Variants in DPP10 observed in about 807,000 individuals in gnomAD.
DPP10 encodes the protein dipeptidyl peptidase like 10, also known as inactive dipeptidyl peptidase 10.
A neutral mutation model predicts 120.9 loss-of-function variants in DPP10; 33 were observed. That is an observed-to-expected ratio of 0.27 (90% CI 0.21 to 0.37). The LOEUF (loss-of-function observed/expected upper bound fraction) is 0.37, where lower values mean the gene tolerates loss of function less well. DPP10 is among the 10% of genes least tolerant of loss of function. The pLI is 1.00. For synonymous variants in DPP10, 337 were observed against 326.1 expected, an observed-to-expected ratio of 1.03 and a Z score of -0.36; for missense variants, 816 against 942.8, an observed-to-expected ratio of 0.87 and a Z score of 1.76.
At chr2:114,995,725 G>A (rs62164467) in intron 1 of DPP10, among the ~76,000 whole-genome samples, 17,610 of 152,184 alleles carry the variant, frequency 0.12, 1,257 homozygotes, top group East Asian at 0.16. Flanking sequence ...AACATCATCA[G>A]TGTTCTTGTT....
chr2:115,798,787 A>G (rs1291238905), intron 19 of DPP10, among the ~76,000 whole-genome samples: 1 of 152,144 alleles, frequency 6.6e-6, no homozygotes, highest in Non-Finnish European at 1.5e-5. Context: ...ATTTGGAATC[A>G]TTCAGTCATT....
intron 5 of DPP10, among the ~76,000 whole-genome samples, chr2:115,582,342 T>G (rs1008559884): frequency 3.3e-5 from 5 of 152,200 alleles, no homozygotes; most frequent in Non-Finnish European, 7.3e-5. Flanking sequence ...AGTTAAACTC[T>G]GCCATTTTGC....
intron 1 of DPP10, among the ~76,000 whole-genome samples, chr2:114,842,114 G>T (rs1025546820): frequency 2.0e-5 from 3 of 152,092 alleles, no homozygotes; most frequent in African/African-American, 7.2e-5. Flanking sequence ...GAGACATATT[G>T]TCACCTAGAG....
At chr2:115,109,534 CA>C (rs58100881) in intron 1 of DPP10, among the ~76,000 whole-genome samples, 10 of 139,428 alleles carry the variant, frequency 7.2e-5, no homozygotes, top group Non-Finnish European at 9.4e-5. Flanking sequence ...GACTCCGTCT[CA>C]AAAAAAAAAG....
At chr2:115,159,261 A>G (rs2052122818) in intron 1 of DPP10, among the ~76,000 whole-genome samples, 1 of 152,150 alleles carries the variant, frequency 6.6e-6, no homozygotes, top group Admixed American at 6.5e-5. Flanking sequence ...GATCGAGACA[A>G]TGCCGGCTAA....
At chr2:115,720,441 T>A (rs1376517912) in intron 7 of DPP10, among the ~76,000 whole-genome samples, 1 of 152,116 alleles carries the variant, frequency 6.6e-6, no homozygotes, top group East Asian at 1.9e-4. Context: ...ATGATCCATC[T>A]AAAAATATGT....
At chr2:115,050,309 G>T (rs896577731) in intron 1 of DPP10, 4 of 152,172 alleles carry the variant, frequency 2.6e-5, no homozygotes, top group African/African-American at 9.7e-5. Context: ...AAAATGTACT[G>T]TATTTCTAGT....
chr2:115,590,414 G>T (rs943429472), intron 5 of DPP10, among the ~76,000 whole-genome samples: 1 of 152,020 alleles, frequency 6.6e-6, no homozygotes, highest in African/African-American at 2.4e-5. Context: ...GAGAACATGC[G>T]GTGTTTGGTT....
At chr2:114,522,206 G>A (rs993439893) in intron 1 of DPP10, among the ~76,000 whole-genome samples, 6 of 150,484 alleles carry the variant, frequency 4.0e-5, no homozygotes, top group Non-Finnish European at 7.4e-5. Context: ...GGATGGTCTC[G>A]ATCTCCTGAC....
chr2:115,307,278 A>C (rs1190370239), intron 1 of DPP10, among the ~76,000 whole-genome samples: 1 of 152,108 alleles, frequency 6.6e-6, no homozygotes, highest in Non-Finnish European at 1.5e-5. Context: ...TATCATATTC[A>C]CAAACTGAAA....
intron 1 of DPP10, chr2:115,050,358 C>T (rs1258500007): frequency 1.3e-5 from 2 of 152,112 alleles, no homozygotes; most frequent in African/African-American, 4.8e-5. Context: ...ACAGACCTCG[C>T]TCACAAATAA....
chr2:115,670,557 G>T (rs184460365), intron 5 of DPP10, among the ~76,000 whole-genome samples: 3 of 152,086 alleles, frequency 2.0e-5, no homozygotes, highest in African/African-American at 7.2e-5. Context: ...AGGCTAAGTT[G>T]TGAAAGAGCA....
chr2:115,350,221 A>C (rs1053535515), intron 3 of DPP10, among the ~76,000 whole-genome samples: 1 of 152,114 alleles, frequency 6.6e-6, no homozygotes, highest in African/African-American at 2.4e-5. Context: ...ATAATATATT[A>C]ATTGAAAATA....
chr2:115,208,224 G>A (rs1274587367), intron 1 of DPP10, among the ~76,000 whole-genome samples: 4 of 142,516 alleles, frequency 2.8e-5, no homozygotes, highest in Non-Finnish European at 6.0e-5. Context: ...TTTTGAGATG[G>A]AGTCTCCCTT....
chr2:114,719,070 AT>A (rs1701538086), intron 1 of DPP10, among the ~76,000 whole-genome samples: 1 of 152,190 alleles, frequency 6.6e-6, no homozygotes, highest in Admixed American at 6.5e-5. Flanking sequence ...TATTATTTTC[AT>A]TTGGTTGTTC....
At chr2:115,036,425 T>G (rs1322549700) in intron 1 of DPP10, among the ~76,000 whole-genome samples, 2 of 152,356 alleles carry the variant, frequency 1.3e-5, no homozygotes, top group East Asian at 1.9e-4. Context: ...CTTAGGGTAG[T>G]AAGAATTATT....
chr2:115,569,445 ATTAAT>A (rs933353332), intron 5 of DPP10, among the ~76,000 whole-genome samples: 3 of 152,236 alleles, frequency 2.0e-5, no homozygotes, highest in Admixed American at 6.5e-5. Flanking sequence ...GGTCTTGAAA[ATTAAT>A]TTATATTTAA....
At chr2:115,561,142 A>G (rs980090669) in intron 5 of DPP10, among the ~76,000 whole-genome samples, 1 of 152,082 alleles carries the variant, frequency 6.6e-6, no homozygotes, top group African/African-American at 2.4e-5. Flanking sequence ...TGAGCTCAGG[A>G]GTTCGAGACC....
At chr2:114,660,904 A>C (rs1444282986) in intron 1 of DPP10, among the ~76,000 whole-genome samples, 2 of 152,222 alleles carry the variant, frequency 1.3e-5, no homozygotes, top group African/African-American at 4.8e-5. Context: ...ATAAAGGAAA[A>C]GGAAGTAATT....
Sources: gnomAD v4.1 joint callset for allele counts (sites outside exome capture counted in the v4.1 genomes callset) on GRCh38, gnomAD v4.1.1 for gene constraint, MANE v1.5 for transcripts, NCBI Gene and HGNC (gene_info 2026-07-23, HGNC 2026-07-21) for gene names.